The following NBAS variants were observed in gnomAD, a reference collection of about 807,000 sequenced individuals.
The protein encoded by NBAS is NBAS subunit of NRZ tethering complex, also known as NAG/BC035112 fusion.
In NBAS, 219 loss-of-function variants were observed where a neutral mutation model predicts 302.5. The observed-to-expected ratio is 0.72, with a 90% CI of 0.65 to 0.81. The LOEUF (loss-of-function observed/expected upper bound fraction) is 0.81, where lower values mean the gene tolerates loss of function less well. NBAS is among the 30% of genes least tolerant of loss of function. The pLI, the probability that NBAS is intolerant of heterozygous loss-of-function variation, is 0.00. For synonymous variants in NBAS, 1,118 were observed against 1,021.6 expected (o/e 1.09, Z -1.80); for missense variants, 2,932 against 2,841.6 (o/e 1.03, Z -0.72).
chr2:15,066,736 A>G, the NBAS span, among the ~76,000 whole-genome samples: 1 of 152,202 alleles, frequency 6.6e-6, no homozygotes, highest in Admixed American at 6.5e-5. Flanking sequence ...GAACACTTGT[A>G]CACTGTTAAT....
At chr2:15,130,470 A>G in the NBAS span, among the ~76,000 whole-genome samples, 140,952 of 152,312 alleles carry the variant, frequency 0.93, 65,398 homozygotes, top group Admixed American at 0.96. Flanking sequence ...AGAAGACAGC[A>G]CTGCAGAGCC....
At position 15,483,776 on chromosome 2, in the gene NBAS, T is replaced by C. The variant is rs1411013523; in HGVS notation, c.1083+5118A>G. ...AAAACTAATAAAGCGGCAAATTGCA[T>C]GAAGAAAGCCCCAAATGAGTTGAAT... On this transcript the variant is annotated intron_variant, in intron 12 of 51. Transcript: ENST00000281513. Among the ~76,000 whole-genome samples, 3 of 152,298 alleles carry C rather than the reference T, an allele frequency of 2.0e-5. No homozygotes were observed. In the East Asian group the frequency reaches 5.8e-4, roughly 29 times the overall value.
the NBAS span, among the ~76,000 whole-genome samples, chr2:15,045,088 A>C: frequency 6.6e-6 from 1 of 152,346 alleles, no homozygotes; most frequent in East Asian, 1.9e-4. Context: ...CAAAATAAAT[A>C]TCAAAATCTC....
chr2:14,786,641 T>A, the NBAS span, among the ~76,000 whole-genome samples: 11 of 152,294 alleles, frequency 7.2e-5, no homozygotes, highest in South Asian at 1.7e-3. Context: ...TTTGAGTGAG[T>A]TTCTTAATCC....
chr2:14,998,738 C>T, the NBAS span, among the ~76,000 whole-genome samples: 2 of 152,066 alleles, frequency 1.3e-5, no homozygotes, highest in African/African-American at 2.4e-5. Context: ...ACTGCAGTTG[C>T]TATGGGAACC....
At chr2:14,892,517 T>C in the NBAS span, among the ~76,000 whole-genome samples, 1 of 152,066 alleles carries the variant, frequency 6.6e-6, no homozygotes, top group Non-Finnish European at 1.5e-5. Context: ...CCATTTCCTC[T>C]TCTATGCAAT....
At chr2:15,133,782 T>A in the NBAS span, among the ~76,000 whole-genome samples, 2 of 152,194 alleles carry the variant, frequency 1.3e-5, no homozygotes, top group Non-Finnish European at 1.5e-5. Context: ...CTAAATTTTT[T>A]AAAATAAGCA....
At chr2:15,184,432 T>C (rs1454010937) in intron 50 of NBAS, among the ~76,000 whole-genome samples, 1 of 151,778 alleles carries the variant, frequency 6.6e-6, no homozygotes, top group Non-Finnish European at 1.5e-5. Flanking sequence ...CCTGAGCTTG[T>C]TTTCCTGCAA....
At chr2:15,129,321 G>T in the NBAS span, among the ~76,000 whole-genome samples, 1 of 152,196 alleles carries the variant, frequency 6.6e-6, no homozygotes, top group Non-Finnish European at 1.5e-5. Flanking sequence ...AGCTGAAGTA[G>T]CTCAGAGGAA....
the NBAS span, among the ~76,000 whole-genome samples, chr2:15,033,298 C>T: frequency 6.6e-6 from 1 of 152,260 alleles, no homozygotes; most frequent in East Asian, 1.9e-4. Flanking sequence ...ATTTTGGAAG[C>T]AAATTACTTG....
At chr2:15,458,186 C>T (rs1329413124) in intron 21 of NBAS, among the ~76,000 whole-genome samples, 1 of 152,118 alleles carries the variant, frequency 6.6e-6, no homozygotes, top group Non-Finnish European at 1.5e-5. Flanking sequence ...ATGACTATAA[C>T]ACAGTGTAAA....
chr2:15,527,475 G>A (rs1662966490), intron 9 of NBAS, among the ~76,000 whole-genome samples: 1 of 152,144 alleles, frequency 6.6e-6, no homozygotes, highest in Admixed American at 6.5e-5. Context: ...TTGTCTGGTG[G>A]GAGCTGCTCT....
intron 48 of NBAS, among the ~76,000 whole-genome samples, chr2:15,211,676 G>T (rs779062547): frequency 1.3e-5 from 2 of 152,150 alleles, no homozygotes; most frequent in Non-Finnish European, 2.9e-5. Flanking sequence ...TCACTGCTGA[G>T]ATCATTACAC....
At chr2:14,982,395 T>C in the NBAS span, among the ~76,000 whole-genome samples, 1 of 152,298 alleles carries the variant, frequency 6.6e-6, no homozygotes, top group Non-Finnish European at 1.5e-5. Flanking sequence ...TGATTTGTTA[T>C]GCAGCAATAA....
chr2:15,190,841 A>G (rs1665318457), intron 48 of NBAS, among the ~76,000 whole-genome samples: 1 of 152,210 alleles, frequency 6.6e-6, no homozygotes. Flanking sequence ...AATGTCTCTA[A>G]TGTGAAATGA....
the NBAS span, among the ~76,000 whole-genome samples, chr2:14,899,422 G>A: frequency 2.0e-5 from 3 of 152,174 alleles, no homozygotes; most frequent in South Asian, 4.1e-4. Context: ...TCATTTTTTA[G>A]TTTCTGGTTA....
the NBAS span, among the ~76,000 whole-genome samples, chr2:15,024,003 C>T: frequency 6.6e-6 from 1 of 151,854 alleles, no homozygotes; most frequent in Non-Finnish European, 1.5e-5. Context: ...CAGGGATACA[C>T]GTGCAGGTTT....
chr2:15,415,421 C>T, intron 25 of NBAS, 125 bp downstream of exon 25: 1 of 853,396 alleles, frequency 1.2e-6, no homozygotes, highest in Non-Finnish European at 1.9e-6. Flanking sequence ...AATAAAATGA[C>T]AATCATTTGT....
At chr2:14,817,056 CTG>C in the NBAS span, among the ~76,000 whole-genome samples, 10 of 152,302 alleles carry the variant, frequency 6.6e-5, no homozygotes, top group Non-Finnish European at 1.2e-4. Flanking sequence ...AGGATTTGCT[CTG>C]TGTTTGCAAA....
Sources: allele counts gnomAD v4.1 joint callset (sites outside exome capture counted in the v4.1 genomes callset), GRCh38; gene constraint gnomAD v4.1.1; transcripts MANE v1.5; gene names NCBI Gene and HGNC (gene_info 2026-07-23, HGNC 2026-07-21).